Variants in UFD1 observed in about 807,000 individuals in gnomAD.
UFD1 encodes ubiquitin recognition factor in ER-associated degradation protein 1.
In UFD1, 13 loss-of-function variants were observed where a neutral mutation model predicts 45.9. The observed-to-expected ratio is 0.28, with a 90% confidence interval of 0.18 to 0.45. The LOEUF is 0.45. Among genes scored for constraint, UFD1 ranks in the 20% least tolerant of loss-of-function variants. The probability of loss-of-function intolerance (pLI) is 1.00; values close to 1 mark genes in which losing one functional copy is unlikely to be tolerated. For missense variants in UFD1, 218 were observed against 389.2 expected (o/e 0.56, Z 3.70); for synonymous variants, 128 against 139.2 (o/e 0.92, Z 0.56).
At chr22:19,451,610 GA>G in intron 11 of UFD1, 1 of 985,380 alleles carries the variant, frequency 1.0e-6, no homozygotes, top group African/African-American at 1.7e-5. Context: ...GAGGATTCTG[GA>G]ATGTTCAACA....
At chr22:19,455,585 A>T in intron 10 of UFD1, 95 bp downstream of exon 10, 3 of 1,178,766 alleles carry the variant, frequency 2.5e-6, no homozygotes, top group Non-Finnish European at 2.5e-6. Context: ...CTACTGACCC[A>T]GGCTTTGTCT....
Position 19,450,657 on chromosome 22 carries a change from C to T in UFD1, c.*13G>A. ...ATTCTTTTATTATTTTCCAATCAGC[C>T]AACAGTCCTCACTTAGGGCTTTCTT... On this transcript the variant is annotated 3_prime_UTR_variant, in exon 12 of 12. Transcript: ENST00000263202. 1.2e-6 allele frequency: 2 copies of T among 1,614,028 alleles called. No individual in the cohort carries two copies. Among genetic ancestry groups the T allele is most frequent in the Non-Finnish European group, 1.7e-6 (2 of 1,179,956 alleles).
chr22:19,454,971 G>C (rs2089711933), intron 10 of UFD1, 141 bp from the exon 11 acceptor site: 2 of 954,672 alleles, frequency 2.1e-6, no homozygotes, highest in Non-Finnish European at 3.0e-6. Flanking sequence ...ATCCTCCCAG[G>C]AGGGAAGCAG....
At chr22:19,460,299 C>T (rs980969179) in intron 6 of UFD1, among the ~76,000 whole-genome samples, 6 of 152,074 alleles carry the variant, frequency 3.9e-5, no homozygotes, top group African/African-American at 1.2e-4. Context: ...GCTTCTCTAC[C>T]GTTTTCATGT....
At chr22:19,455,195 C>A (rs1396916156) in intron 10 of UFD1, among the ~76,000 whole-genome samples, 1 of 152,162 alleles carries the variant, frequency 6.6e-6, no homozygotes, top group Non-Finnish European at 1.5e-5. Context: ...CTCAGCCCTG[C>A]CCCTGCCATC....
chr22:19,467,794 CA>C, intron 5 of UFD1, 78 bp downstream of exon 5: 1 of 1,568,770 alleles, frequency 6.4e-7, no homozygotes, highest in East Asian at 2.2e-5. Context: ...GGCACAGATT[CA>C]ATACAGTACA....
intron 4 of UFD1, 175 bp downstream of exon 4, chr22:19,471,512 G>T: frequency 9.9e-7 from 1 of 1,013,082 alleles, no homozygotes; most frequent in South Asian, 1.3e-5. Flanking sequence ...CCACCAGCCC[G>T]CATAAGGCAC....
intron 6 of UFD1, among the ~76,000 whole-genome samples, chr22:19,458,771 G>A (rs762704523): frequency 2.0e-5 from 3 of 152,120 alleles, no homozygotes; most frequent in Admixed American, 6.6e-5. Context: ...TAAATAACTA[G>A]CTATACCCAA....
chr22:19,458,874 T>A (rs978587537), intron 6 of UFD1, among the ~76,000 whole-genome samples: 5 of 152,228 alleles, frequency 3.3e-5, no homozygotes, highest in Non-Finnish European at 7.3e-5. Context: ...CATAAACTTA[T>A]AAGTTAAAAA....
intron 6 of UFD1, among the ~76,000 whole-genome samples, chr22:19,460,099 A>T (rs898434640): frequency 7.2e-5 from 11 of 152,048 alleles, no homozygotes; most frequent in African/African-American, 2.7e-4. Context: ...TAAAAAAAAA[A>T]CCTAAGCAGG....
chr22:19,476,956 G>A (rs9606028), intron 1 of UFD1, among the ~76,000 whole-genome samples: 4,418 of 134,060 alleles, frequency 0.033, 142 homozygotes, highest in South Asian at 0.13. Flanking sequence ...GCAGTGAGCC[G>A]AGATCGTGCC....
chr22:19,453,707 G>A (rs989944306), intron 11 of UFD1: 4 of 985,490 alleles, frequency 4.1e-6, no homozygotes, highest in Non-Finnish European at 4.8e-6. Flanking sequence ...GAGCCCAGAA[G>A]TGGTTGTGAG....
intron 2 of UFD1, 56 bp downstream of exon 2, chr22:19,475,414 A>C: frequency 6.2e-7 from 1 of 1,607,160 alleles, no homozygotes; most frequent in Non-Finnish European, 8.5e-7. Flanking sequence ...TGAAGGCTAC[A>C]GCATTGCAGA....
chr22:19,454,177 G>A (rs544827176), intron 11 of UFD1: 2 of 986,958 alleles, frequency 2.0e-6, no homozygotes, highest in Non-Finnish European at 2.4e-6. Context: ...GCAAGACAGA[G>A]CTCCTGACCC....
At chr22:19,462,593 C>G (rs2089775539) in intron 6 of UFD1, among the ~76,000 whole-genome samples, 1 of 152,034 alleles carries the variant, frequency 6.6e-6, no homozygotes, top group Non-Finnish European at 1.5e-5. Flanking sequence ...TTGCTCGAAC[C>G]CAGGAGGTGG....
Position 19,450,717 on chromosome 22 carries a change from A to T in UFD1, c.877T>A (p.Phe293Ile), listed in dbSNP as rs201641426. 2 of 1,614,194 alleles carry T rather than the reference A, an allele frequency of 1.2e-6. No homozygotes were observed. The highest frequency in any genetic ancestry group is 1.7e-6 in the Non-Finnish European group (2 of 1,180,026). Residue 293 changes from phenylalanine (F) to isoleucine (I), a missense_variant, in exon 12 of 12, where the codon TTC becomes ATC. By Grantham distance (21) the Phe-to-Ile change is conservative. This residue lies in a region of UFD1 where 69 missense variants were observed against 81.7 expected (regional missense o/e 0.84). Transcript: ENST00000263202. The part of the protein sequence containing the change: ...EDEAGGRFVA[F>I]SGEGQSLRKK... Reference sequence around the variant, plus strand: ...CGCAATGACTGTCCTTCTCCAGAGAAAGCGACGAATCTGCCTCCAGCTTCA... The same window carrying T: ...CGCAATGACTGTCCTTCTCCAGAGATAGCGACGAATCTGCCTCCAGCTTCA...
chr22:19,468,452 G>A (rs1400406087), intron 4 of UFD1, among the ~76,000 whole-genome samples: 2 of 152,188 alleles, frequency 1.3e-5, no homozygotes, highest in Non-Finnish European at 2.9e-5. Context: ...CTGCAAGATG[G>A]TGACAGACCC....
At chr22:19,460,236 T>G (rs1320525474) in intron 6 of UFD1, among the ~76,000 whole-genome samples, 1 of 152,214 alleles carries the variant, frequency 6.6e-6, no homozygotes, top group Non-Finnish European at 1.5e-5. Context: ...CATTTTGCTG[T>G]GTTAATGACA....
chr22:19,465,097 G>A (rs1204637452), intron 6 of UFD1, 105 bp downstream of exon 6: 1 of 1,062,824 alleles, frequency 9.4e-7, no homozygotes, highest in Non-Finnish European at 1.4e-6. Flanking sequence ...GTAATTAGGT[G>A]ATAAGATCCA....
Sources: gnomAD v4.1 joint callset for allele counts (sites outside exome capture counted in the v4.1 genomes callset) on GRCh38, gnomAD v4.1.1 for gene constraint, gnomAD v4.1.1 regional missense constraint, MANE v1.5 for transcripts, NCBI Gene and HGNC (gene_info 2026-07-23, HGNC 2026-07-21) for gene names.